Variants in SEMA4C observed in about 807,000 individuals in gnomAD.
The protein encoded by SEMA4C is semaphorin 4C, also known as semaphorin-4C.
In SEMA4C, 19 loss-of-function variants were observed where a neutral mutation model predicts 89.0. The observed-to-expected ratio is 0.21, with a 90% CI of 0.15 to 0.31. The LOEUF (loss-of-function observed/expected upper bound fraction) is 0.31. Ranked by LOEUF, SEMA4C falls within the 10% of genes least tolerant of loss-of-function variation. The pLI is 1.00. For synonymous variants in SEMA4C, 428 were observed against 472.7 expected (o/e 0.91, Z 1.23); for missense variants, 811 against 1,107.0 (o/e 0.73, Z 3.79).
Position 96,864,396 on chromosome 2 carries a change from A to T in SEMA4C, c.963-14T>A. The T allele has an allele frequency of 1.9e-6, 3 of 1,612,440 alleles. No individual in the cohort carries two copies. Among genetic ancestry groups the T allele is most frequent in the Non-Finnish European group, 2.5e-6 (3 of 1,179,938 alleles). On this transcript the variant is annotated splice_polypyrimidine_tract_variant and intron_variant, in intron 9 of 14. Coordinates refer to ENST00000305476, the MANE Select transcript of SEMA4C (RefSeq NM_017789.5). The surrounding 1 kb of genome is among the most constrained non-coding windows in gnomAD (Gnocchi z 6.3). ...TACATGTCACCCCTGTCACAGCGAGAGGGAGCCCAGGGTCAGGTACCCACC... is the reference window on the plus strand; with the variant it reads ...TACATGTCACCCCTGTCACAGCGAGTGGGAGCCCAGGGTCAGGTACCCACC...
rs775404574 is a variant in SEMA4C at position 96,865,687 on chromosome 2, G to A, written c.399C>T (p.Phe133=). 1 of 1,614,066 alleles carries A rather than the reference G, an allele frequency of 6.2e-7. No homozygotes were observed. Among genetic ancestry groups the A allele is most frequent in the South Asian group, 1.1e-5 (1 of 91,082 alleles). Residue 133 remains phenylalanine, a synonymous_variant, in exon 5 of 15, where the codon TTC becomes TTT. Transcript: ENST00000305476. ...SHLYVCGTYA[F]QPKCTYVNML... ...TCACGACGTAGGTGCACTTGGGCTGGAAGGCGTAGGTGCCACAGACGTACA... is the reference window on the plus strand; with the variant it reads ...TCACGACGTAGGTGCACTTGGGCTGAAAGGCGTAGGTGCCACAGACGTACA...
At chr2:96,867,642 A>G (rs772039202) in intron 2 of SEMA4C, 136 bp downstream of exon 2, 3 of 939,946 alleles carry the variant, frequency 3.2e-6, no homozygotes, top group Non-Finnish European at 5.1e-6. Flanking sequence ...CCAGGTCCCA[A>G]CCCACACTGC....
Position 96,863,791 on chromosome 2 carries a change from T to C in SEMA4C, c.1334A>G (p.Asp445Gly). 6.2e-7 allele frequency: 1 copy of C among 1,613,776 alleles called. No individual in the cohort carries two copies. Among genetic ancestry groups the C allele is most frequent in the East Asian group, 2.2e-5 (1 of 44,884 alleles). ...TYTVLFIGTG[D>G]GWLLKAVSLG... is the part of the protein sequence containing the mutation. The stretch of plus-strand genomic sequence containing the variant: ...GCTCACAGCCTTGAGCAGCCAGCCG[T>C]CTCCTGGGGGGTGCAGAGGAGAAGG... Residue 445 changes from aspartate (D) to glycine (G), a missense_variant, in exon 12 of 15, where the codon GAC becomes GGC. By Grantham distance (94) the Asp-to-Gly change is moderately conservative. Coordinates refer to ENST00000305476, the MANE Select transcript of SEMA4C (RefSeq NM_017789.5).
chr2:96,864,597 C>T lies in SEMA4C; in HGVS notation c.962+108G>A, dbSNP rs947036747. 40 of 1,432,214 alleles carry T rather than the reference C, an allele frequency of 2.8e-5. No homozygotes were observed. The highest frequency in any genetic ancestry group is 3.5e-5 in the Non-Finnish European group (37 of 1,057,150). 88.7% of individuals were successfully genotyped at this position (1,432,214 alleles called of 1,614,324 possible). On this transcript the variant is annotated intron_variant, in intron 9 of 14. Transcript: ENST00000305476. The surrounding 1 kb of genome is among the most constrained non-coding windows in gnomAD (Gnocchi z 6.3). The stretch of plus-strand genomic sequence containing the variant: ...AGCATTCTCCTTGGCTTCTGGACAC[C>T]TGGCTTCCGGGACTGCCTCTGAGGC...
At position 96,867,881 on chromosome 2, in the gene SEMA4C, G is replaced by A. The variant is rs918706687; in HGVS notation, c.6C>T (p.Ala2=). The A allele has an allele frequency of 6.2e-7, 1 of 1,613,546 alleles. No homozygotes were observed. The highest frequency in any genetic ancestry group is 1.3e-5 in the African/African-American group (1 of 75,064). Residue 2 remains alanine (A), a synonymous_variant, in exon 2 of 15, where the codon GCC becomes GCT. Transcript: ENST00000305476. M[A]PHWAVWLLAA... The stretch of plus-strand genomic sequence containing the variant: ...CCAGCAGCCAGACAGCCCAGTGTGG[G>A]GCCATGGCGCACGCCCCGGCTCTGA...
chr2:96,860,885 C>G lies in SEMA4C; in HGVS notation c.2243G>C (p.Gly748Ala). 1.9e-6 allele frequency: 3 copies of G among 1,613,154 alleles called. No homozygotes were observed. The highest frequency in any genetic ancestry group is 2.5e-6 in the Non-Finnish European group (3 of 1,180,030). Residue 748 changes from glycine (G) to alanine (A), a missense_variant, in exon 15 of 15, where the codon GGG becomes GCG. Coordinates refer to ENST00000305476, the MANE Select transcript of SEMA4C (RefSeq NM_017789.5). ...YSDGSLKIVP[G>A]HARCQPGGGP... is the part of the protein sequence containing the mutation. ...CCCACCGGGCTGGCACCGGGCATGC[C>G]CAGGTACTATCTTAAGGGAGCCATC...
chr2:96,867,626 C>A (rs896168363), intron 2 of SEMA4C, 152 bp downstream of exon 2: 2 of 807,684 alleles, frequency 2.5e-6, no homozygotes, highest in Non-Finnish European at 4.1e-6. Context: ...CCAGAGGAGG[C>A]TAATCCCAGG....
Position 96,865,059 on chromosome 2 carries a change from C to T in SEMA4C, c.691G>A (p.Asp231Asn). The change falls in exon 8 of 15, where the codon GAC (aspartate) becomes AAC (asparagine). Residue 231 changes from aspartate to asparagine, a missense_variant. Asp to Asn is a conservative substitution (Grantham distance 23). Around this residue, in one of 4 missense-constraint regions of SEMA4C, gnomAD observed 441 missense variants for 664.9 expected, o/e 0.66. Transcript: ENST00000305476. ...VPESVGSFTG[D>N]DDKVYFFFRE... ...AAGAAGAAGTAGACCTTGTCGTCGTCCCCCGTGAAGCTGCCCACACTCTCA... is the reference window on the plus strand; with the variant it reads ...AAGAAGAAGTAGACCTTGTCGTCGTTCCCCGTGAAGCTGCCCACACTCTCA... 6.4e-7 allele frequency: 1 copy of T among 1,557,698 alleles called. No homozygotes were observed. The highest frequency in any genetic ancestry group is 8.7e-7 in the Non-Finnish European group (1 of 1,150,372).
Position 96,861,159 on chromosome 2 carries a change from C to G in SEMA4C, c.1969G>C (p.Ala657Pro), listed in dbSNP as rs762379106. The G allele has an allele frequency of 2.5e-6, 4 of 1,610,638 alleles. No homozygotes were observed. In the South Asian group the frequency reaches 3.3e-5, roughly 13 times the overall value. ...ACCAGCCCCAGGTTTTCCAGGGGGG[C>G]CCGGGCCTCCAAGGTCACCGACGGG... ...AGPSVTLEARAPLENLGLVWL... is the reference protein window; with the variant it reads ...AGPSVTLEARPPLENLGLVWL... The change falls in exon 15 of 15, where the codon GCC (alanine) becomes CCC (proline). Residue 657 changes from alanine (A) to proline (P), a missense_variant. Coordinates refer to ENST00000305476, the MANE Select transcript of SEMA4C (RefSeq NM_017789.5). This position sits in a 1 kb window ranked among gnomAD's most constrained non-coding sequence, Gnocchi z 7.8.
chr2:96,860,417 T>C lies in SEMA4C; in HGVS notation c.*209A>G. 1.9e-6 allele frequency: 1 copy of C among 536,918 alleles called. No homozygotes were observed. The highest frequency in any genetic ancestry group is 3.3e-6 in the Non-Finnish European group (1 of 306,846). 33.3% of individuals were successfully genotyped at this position (536,918 alleles called of 1,614,324 possible). On this transcript the variant is annotated 3_prime_UTR_variant, in exon 15 of 15. Coordinates refer to ENST00000305476, the MANE Select transcript of SEMA4C (RefSeq NM_017789.5). ...CTGTGATTCACAGAGAGGAGGAAGA[T>C]GCCTTCTGCGAGGCTGGTGCCCTGG...
chr2:96,865,998 T>G, intron 3 of SEMA4C, 69 bp from the exon 4 acceptor site: 1 of 1,506,598 alleles, frequency 6.6e-7, no homozygotes, highest in Non-Finnish European at 9.2e-7. Context: ...AAGCACAGCC[T>G]GCAGCAGCAA....
In SEMA4C at chr2:96,864,913, C is replaced by G; in HGVS notation, c.787-33G>C. Reference sequence around the variant, plus strand: ...ACGGCAAGGGGACACTGCCGGTCAGCCCCGCTGGGCCAGCAGGGCTCCCAG... The same window carrying G: ...ACGGCAAGGGGACACTGCCGGTCAGGCCCGCTGGGCCAGCAGGGCTCCCAG... On this transcript the variant is annotated intron_variant, in intron 8 of 14. Coordinates refer to ENST00000305476, the MANE Select transcript of SEMA4C (RefSeq NM_017789.5). The surrounding 1 kb of genome is among the most constrained non-coding windows in gnomAD (Gnocchi z 6.3). The G allele has an allele frequency of 6.2e-7, 1 of 1,611,454 alleles. No homozygotes were observed. Among genetic ancestry groups the G allele is most frequent in the South Asian group, 1.1e-5 (1 of 90,784 alleles).
chr2:96,861,713 T>C lies in SEMA4C; in HGVS notation c.1601+24A>G. Reference sequence around the variant, plus strand: ...AACCACCCTGAGTCCCTGGAGGTCCTGGCCTATGTAGAGCCCAACTCACCC... The same window carrying C: ...AACCACCCTGAGTCCCTGGAGGTCCCGGCCTATGTAGAGCCCAACTCACCC... On this transcript the variant is annotated intron_variant, in intron 13 of 14. Coordinates refer to ENST00000305476, the MANE Select transcript of SEMA4C (RefSeq NM_017789.5). This position sits in a 1 kb window ranked among gnomAD's most constrained non-coding sequence, Gnocchi z 7.8. The C allele has an allele frequency of 6.2e-7, 1 of 1,610,100 alleles. No individual in the cohort carries two copies. The highest frequency in any genetic ancestry group is 8.5e-7 in the Non-Finnish European group (1 of 1,177,184).
intron 2 of SEMA4C, 80 bp downstream of exon 2, chr2:96,867,698 G>T: frequency 1.5e-6 from 2 of 1,372,982 alleles, no homozygotes; most frequent in South Asian, 2.4e-5. Flanking sequence ...CCACACACGT[G>T]AGAATAAAGC....
chr2:96,866,513 C>T (rs190857226), intron 2 of SEMA4C, 82 bp from the exon 3 acceptor site: 4 of 1,582,574 alleles, frequency 2.5e-6, no homozygotes, highest in Middle Eastern at 1.7e-4. Context: ...GAGCCAGCAC[C>T]CCATGCCACA....
Position 96,860,560 on chromosome 2 carries a change from C to A in SEMA4C, c.*66G>T. ...TGCCCGTGCCATGTCCCTGAGGTAGCTGGTGCCTGTGCAAAAGTAGGAGCT... is the reference window on the plus strand; with the variant it reads ...TGCCCGTGCCATGTCCCTGAGGTAGATGGTGCCTGTGCAAAAGTAGGAGCT... On this transcript the variant is annotated 3_prime_UTR_variant, in exon 15 of 15. Transcript: ENST00000305476. 7.1e-7 allele frequency: 1 copy of A among 1,417,078 alleles called. No homozygotes were observed. The highest frequency in any genetic ancestry group is 9.7e-7 in the Non-Finnish European group (1 of 1,032,470). 87.8% of individuals were successfully genotyped at this position (1,417,078 alleles called of 1,614,324 possible).
At chr2:96,865,157 C>T (rs540299933) in intron 7 of SEMA4C, 42 bp from the exon 8 acceptor site, 44 of 1,603,112 alleles carry the variant, frequency 2.7e-5, no homozygotes, top group South Asian at 1.1e-4. Context: ...GGCTGGGCCC[C>T]GGGGGACCTC....
chr2:96,859,803 C>T lies in SEMA4C; in HGVS notation c.*823G>A, dbSNP rs964642652. 9 of 152,326 alleles carry T rather than the reference C, an allele frequency of 5.9e-5. No homozygotes were observed. Among genetic ancestry groups the T allele is most frequent in the Non-Finnish European group, 2.9e-5 (2 of 68,026 alleles). 9.4% of individuals were successfully genotyped at this position (152,326 alleles called of 1,614,324 possible). On this transcript the variant is annotated 3_prime_UTR_variant, in exon 15 of 15. Coordinates refer to ENST00000305476, the MANE Select transcript of SEMA4C (RefSeq NM_017789.5). ...CAAATATTTACAACAAATAAATACGCGGGGACACAATAAGTTACACTGTTA... is the reference window on the plus strand; with the variant it reads ...CAAATATTTACAACAAATAAATACGTGGGGACACAATAAGTTACACTGTTA...
Position 96,863,911 on chromosome 2 carries a change from T to C in SEMA4C, c.1330+15A>G. ...CCAGCCTTGAGCAGCCATGCCTGCA[T>C]ACCCATGCACCCACCTGTGCCAATG... is the stretch of plus-strand genomic sequence containing the variant. On this transcript the variant is annotated intron_variant, in intron 11 of 14. Transcript: ENST00000305476. 1 of 1,601,184 alleles carries C rather than the reference T, an allele frequency of 6.2e-7. No homozygotes were observed. The highest frequency in any genetic ancestry group is 8.5e-7 in the Non-Finnish European group (1 of 1,171,484).
Sources: gnomAD v4.1 joint callset for allele counts on GRCh38, gnomAD v4.1.1 for gene constraint, gnomAD v4.1.1 regional missense constraint, Gnocchi (gnomAD v3.1) non-coding constraint, MANE v1.5 for transcripts, NCBI Gene and HGNC (gene_info 2026-07-23, HGNC 2026-07-21) for gene names.